SLC71A2: variants seen among roughly 807,000 people sequenced by gnomAD.
The protein encoded by SLC71A2 is solute carrier family 71 member 2, also known as hippocampus abundant transcript-like 1.
At chr9:94,422,690 C>T in the SLC71A2 span, among the ~76,000 whole-genome samples, 44 of 152,088 alleles carry the variant, frequency 2.9e-4, no homozygotes, top group Non-Finnish European at 4.7e-4. Flanking sequence ...ATATTCCTAA[C>T]GACCAATGAA....
At chr9:94,396,481 C>T in the SLC71A2 span, among the ~76,000 whole-genome samples, 2 of 152,240 alleles carry the variant, frequency 1.3e-5, no homozygotes, top group Non-Finnish European at 2.9e-5. Context: ...CACCATTGCA[C>T]TTCAGCCTGG....
At chr9:94,430,781 A>G in the SLC71A2 span, among the ~76,000 whole-genome samples, 1 of 152,220 alleles carries the variant, frequency 6.6e-6, no homozygotes, top group African/African-American at 2.4e-5. Context: ...ACATTGAAAA[A>G]TCAATCATAT....
the SLC71A2 span, among the ~76,000 whole-genome samples, chr9:94,403,632 G>A: frequency 6.6e-6 from 1 of 151,658 alleles, no homozygotes; most frequent in African/African-American, 2.4e-5. Flanking sequence ...TGTGAATTTG[G>A]GTATATAAAA....
the SLC71A2 span, among the ~76,000 whole-genome samples, chr9:94,389,478 C>T: frequency 2.6e-5 from 4 of 151,416 alleles, no homozygotes; most frequent in African/African-American, 4.9e-5. Flanking sequence ...GAGGCTTCAC[C>T]GTGTTGGCCA....
chr9:94,453,281 C>G, the SLC71A2 span, among the ~76,000 whole-genome samples: 1 of 151,824 alleles, frequency 6.6e-6, no homozygotes, highest in Non-Finnish European at 1.5e-5. Flanking sequence ...TCCCAAATAG[C>G]TGGGACTACA....
chr9:94,385,212 T>C, the SLC71A2 span, among the ~76,000 whole-genome samples: 1 of 152,252 alleles, frequency 6.6e-6, no homozygotes, highest in Non-Finnish European at 1.5e-5. Context: ...ATTGCGTCCT[T>C]TGATGCACAT....
the SLC71A2 span, chr9:94,451,586 T>C: frequency 1.1e-6 from 1 of 891,486 alleles, no homozygotes; most frequent in Non-Finnish European, 1.7e-6. Context: ...AACCATAGTT[T>C]CACAGGAAGC....
the SLC71A2 span, among the ~76,000 whole-genome samples, chr9:94,446,429 G>A: frequency 1.3e-5 from 2 of 152,190 alleles, no homozygotes; most frequent in Admixed American, 6.5e-5. Context: ...ATACGGAAAC[G>A]CTCTGTACTG....
chr9:94,451,521 G>T, the SLC71A2 span: 1 of 1,542,610 alleles, frequency 6.5e-7, no homozygotes, highest in Non-Finnish European at 8.8e-7. Context: ...TGTCTATTGT[G>T]GCTCAGGTGA....
the SLC71A2 span, among the ~76,000 whole-genome samples, chr9:94,400,058 G>T: frequency 6.6e-6 from 1 of 152,028 alleles, no homozygotes; most frequent in Non-Finnish European, 1.5e-5. Flanking sequence ...TGATCCGCCC[G>T]TCTAGGCCTC....
At chr9:94,436,444 C>T in the SLC71A2 span, among the ~76,000 whole-genome samples, 2 of 152,222 alleles carry the variant, frequency 1.3e-5, no homozygotes, top group Non-Finnish European at 2.9e-5. Flanking sequence ...ACCCAGATGA[C>T]ACTGTATGAA....
the SLC71A2 span, among the ~76,000 whole-genome samples, chr9:94,422,474 A>C: frequency 2.6e-5 from 4 of 152,148 alleles, no homozygotes; most frequent in African/African-American, 9.7e-5. Flanking sequence ...CTGTTGTAAT[A>C]TTTCTTGTAT....
the SLC71A2 span, among the ~76,000 whole-genome samples, chr9:94,434,274 C>T: frequency 6.6e-6 from 1 of 152,104 alleles, no homozygotes; most frequent in African/African-American, 2.4e-5. Context: ...ACAATATAAT[C>T]CTACCAGTGG....
the SLC71A2 span, among the ~76,000 whole-genome samples, chr9:94,408,207 G>T: frequency 6.6e-6 from 1 of 152,132 alleles, no homozygotes; most frequent in Non-Finnish European, 1.5e-5. Context: ...CTTATGGTTG[G>T]GTTGTCTGGA....
the SLC71A2 span, among the ~76,000 whole-genome samples, chr9:94,386,489 G>A: frequency 1.3e-5 from 2 of 151,210 alleles, no homozygotes; most frequent in Admixed American, 1.3e-4. Flanking sequence ...CTGTTCAGAT[G>A]TTTTTTCCCT....
the SLC71A2 span, among the ~76,000 whole-genome samples, chr9:94,386,833 G>A: frequency 6.6e-6 from 1 of 152,148 alleles, no homozygotes; most frequent in Admixed American, 6.6e-5. Context: ...AAGCAGAAGG[G>A]TAATTTTGAT....
chr9:94,456,243 G>C, the SLC71A2 span: 2 of 1,613,538 alleles, frequency 1.2e-6, no homozygotes, highest in Non-Finnish European at 1.7e-6. Context: ...ATTGCAGGAT[G>C]ATGTGGGCAG....
chr9:94,395,845 A>C, the SLC71A2 span, among the ~76,000 whole-genome samples: 1 of 152,196 alleles, frequency 6.6e-6, no homozygotes, highest in African/African-American at 2.4e-5. Context: ...GGTCAGCTTA[A>C]GCATGCAGTT....
the SLC71A2 span, among the ~76,000 whole-genome samples, chr9:94,423,269 T>C: frequency 2.0e-4 from 27 of 131,876 alleles, no homozygotes; most frequent in East Asian, 2.2e-4. Context: ...CTCTCTCTTT[T>C]TTTTTTTTTT....
Sources: allele counts gnomAD v4.1 joint callset (sites outside exome capture counted in the v4.1 genomes callset), GRCh38; gene constraint gnomAD v4.1.1; transcripts MANE v1.5; gene names NCBI Gene and HGNC (gene_info 2026-07-23, HGNC 2026-07-21).